Variants in PRR5 observed in about 807,000 individuals in gnomAD.
PRR5 encodes the protein proline-rich protein 5.
A neutral mutation model predicts 30.6 loss-of-function variants in PRR5; 25 were observed. That is an observed-to-expected ratio of 0.82 (90% CI 0.60 to 1.14). PRR5 has a LOEUF of 1.14. Among genes scored for constraint, PRR5 ranks in the 50% most tolerant of loss-of-function variants. The pLI, the probability that PRR5 is intolerant of heterozygous loss-of-function variation, is 0.00. For missense variants in PRR5, 600 were observed against 547.1 expected, an observed-to-expected ratio of 1.10 and a Z score of -0.96; for synonymous variants, 286 against 247.1, an observed-to-expected ratio of 1.16 and a Z score of -1.48.
At chr22:44,730,686 T>C (rs1921788660) in intron 4 of PRR5, 1 of 1,014,638 alleles carries the variant, frequency 9.9e-7, no homozygotes, top group Non-Finnish European at 1.2e-6. Flanking sequence ...TGGATGCTCT[T>C]CCTCCAGGAA....
rs903869839 is a variant in PRR5, at chr22:44,725,426, G to A, written c.264+134G>A. 34 of 1,205,966 alleles carry A rather than the reference G, an allele frequency of 2.8e-5. 1 individual carries two copies. Among genetic ancestry groups the A allele is most frequent in the South Asian group, 1.2e-4 (9 of 73,258 alleles). 74.7% of individuals were successfully genotyped at this position (1,205,966 alleles called of 1,614,324 possible). A position where few individuals can be genotyped will look rare whatever the true frequency, so the allele number is the denominator to read the frequency against. On this transcript the variant is annotated intron_variant, in intron 3 of 7. Coordinates refer to ENST00000336985, the MANE Select transcript of PRR5 (RefSeq NM_181333.4). ...GCCTGCAGTTCCAAGGACCTGCCTC[G>A]TTCCTTATCTAGCCACGTGGAATGT...
chr22:44,702,189 C>A (rs1281385044), upstream of PRR5: 6 of 1,020,058 alleles, frequency 5.9e-6, no homozygotes, highest in East Asian at 3.2e-4. Flanking sequence ...TGGGCCCGCC[C>A]CCGGGTCCGC....
intron 1 of PRR5, among the ~76,000 whole-genome samples, chr22:44,680,108 CA>C (rs1924139594): frequency 6.6e-6 from 1 of 152,188 alleles, no homozygotes; most frequent in South Asian, 2.1e-4. Context: ...ATTCACTCAA[CA>C]AACGTTTCTC....
chr22:44,731,298 G>A, intron 4 of PRR5: 1 of 278,366 alleles, frequency 3.6e-6, no homozygotes, highest in African/African-American at 2.2e-5. Flanking sequence ...TACCTGTGCG[G>A]GTCTCACCTG....
chr22:44,711,161 C>T (rs760941168), intron 1 of PRR5, among the ~76,000 whole-genome samples: 5 of 152,164 alleles, frequency 3.3e-5, no homozygotes, highest in Admixed American at 1.3e-4. Flanking sequence ...GGCAGGTGTT[C>T]GCTGGCAGGT....
intron 2 of PRR5, among the ~76,000 whole-genome samples, chr22:44,716,749 C>T (rs1489671560): frequency 6.6e-6 from 1 of 152,136 alleles, no homozygotes; most frequent in African/African-American, 2.4e-5. Context: ...CTCTTCTGGA[C>T]GGTGTGGCCA....
chr22:44,674,451 G>A (rs1298992075), upstream of PRR5, among the ~76,000 whole-genome samples: 2 of 152,030 alleles, frequency 1.3e-5, no homozygotes, highest in African/African-American at 2.4e-5. Context: ...GGCCGGGTAC[G>A]GTGGCTCACG....
chr22:44,704,194 G>A (rs1452497543), intron 1 of PRR5, among the ~76,000 whole-genome samples: 1 of 152,196 alleles, frequency 6.6e-6, no homozygotes, highest in African/African-American at 2.4e-5. Flanking sequence ...CCAGACTCAC[G>A]CAGTGGACCA....
intron 1 of PRR5, among the ~76,000 whole-genome samples, chr22:44,678,033 A>G (rs998200301): frequency 6.6e-6 from 1 of 152,144 alleles, no homozygotes; most frequent in African/African-American, 2.4e-5. Context: ...AGTTTTGCCT[A>G]AGGTGCTTAG....
chr22:44,735,081 G>A lies in PRR5; in HGVS notation c.610G>A (p.Val204Ile), dbSNP rs1922960571. 1.2e-6 allele frequency: 2 copies of A among 1,612,136 alleles called. No individual in the cohort carries two copies. The highest frequency in any genetic ancestry group is 1.1e-5 in the South Asian group (1 of 91,066). Residue 204 changes from valine (V) to isoleucine (I), a missense_variant, in exon 7 of 8, where the codon GTC becomes ATC. Coordinates refer to ENST00000336985, the MANE Select transcript of PRR5 (RefSeq NM_181333.4). ...GGACTACCTGCGCCTGGAGACGCTG[G>A]TCCAGAAGGTGGTGTCGCCATACCT... Reference protein sequence around the residue: ...TEDYLRLETLVQKVVSPYLGT... With the variant: ...TEDYLRLETLIQKVVSPYLGT...
intron 6 of PRR5, 69 bp downstream of exon 6, chr22:44,732,460 G>A: frequency 6.4e-7 from 1 of 1,553,090 alleles, no homozygotes. Context: ...GTCCCCACAG[G>A]CAGAGCATGA....
At chr22:44,735,372 A>G (rs891893077) in intron 7 of PRR5, among the ~76,000 whole-genome samples, 3 of 152,230 alleles carry the variant, frequency 2.0e-5, no homozygotes, top group Admixed American at 6.5e-5. Flanking sequence ...TGATGTGGCA[A>G]CACCTTGGAG....
At chr22:44,695,883 G>GT (rs1034718216) in intron 1 of PRR5, among the ~76,000 whole-genome samples, 5 of 133,916 alleles carry the variant, frequency 3.7e-5, no homozygotes, top group African/African-American at 1.4e-4. Context: ...GCCTGTCAGG[G>GT]TTTTTTTAAA....
Position 44,737,600 on chromosome 22 carries a change from AC to A in PRR5, c.*355del. On this transcript the variant is annotated 3_prime_UTR_variant, in exon 8 of 8. Transcript: ENST00000336985. ...TCTGCCCACGCCGGGCCCCAAAGTG[AC>A]CAGACTCCAGCACACCTGTCTCCTC... The A allele has an allele frequency of 4.1e-6, 1 of 246,174 alleles. No individual in the cohort carries two copies. 15.2% of individuals were successfully genotyped at this position (246,174 alleles called of 1,614,324 possible).
At chr22:44,721,039 A>G (rs780722128) in intron 2 of PRR5, among the ~76,000 whole-genome samples, 5 of 152,202 alleles carry the variant, frequency 3.3e-5, no homozygotes, top group Non-Finnish European at 7.3e-5. Context: ...CATCATGGGC[A>G]GGGAGAAGAC....
chr22:44,702,032 C>G (rs938897494), upstream of PRR5, among the ~76,000 whole-genome samples: 35 of 152,226 alleles, frequency 2.3e-4, no homozygotes, highest in African/African-American at 8.4e-4. Context: ...CCTCAGAGGG[C>G]AGACCCAGCG....
intron 2 of PRR5, among the ~76,000 whole-genome samples, chr22:44,719,875 A>G (rs2147105151): frequency 6.6e-6 from 1 of 152,218 alleles, no homozygotes; most frequent in South Asian, 2.1e-4. Context: ...GAAGCAGCAA[A>G]CCCCCTGGAT....
At chr22:44,695,204 G>A (rs1317586025) in intron 1 of PRR5, among the ~76,000 whole-genome samples, 1 of 152,070 alleles carries the variant, frequency 6.6e-6, no homozygotes, top group Non-Finnish European at 1.5e-5. Context: ...GGAGAGAGGG[G>A]CTGTCTACAA....
intron 1 of PRR5, among the ~76,000 whole-genome samples, chr22:44,713,225 G>A (rs549763653): frequency 2.0e-4 from 30 of 152,306 alleles, no homozygotes; most frequent in Admixed American, 9.1e-4. Context: ...GGGTGGATGT[G>A]GTGGAGAGGT....
Sources: gnomAD v4.1 joint callset for allele counts (sites outside exome capture counted in the v4.1 genomes callset) on GRCh38, gnomAD v4.1.1 for gene constraint, MANE v1.5 for transcripts, NCBI Gene and HGNC (gene_info 2026-07-23, HGNC 2026-07-21) for gene names.